The following CCDC178 variants were observed in gnomAD, a reference collection of about 807,000 sequenced individuals.
The protein encoded by CCDC178 is coiled-coil domain-containing protein 178.
CCDC178 carries 126 observed loss-of-function variants against 117.4 expected under a neutral mutation model. The ratio of observed to expected loss-of-function variants is 1.07; its 90% CI spans 0.93 to 1.24. CCDC178 has a LOEUF of 1.24. CCDC178 is among the 50% of genes most tolerant of loss of function. CCDC178 has a pLI of 0.00. For synonymous variants in CCDC178, 283 were observed against 313.4 expected, an observed-to-expected ratio of 0.90 and a Z score of 1.02; for missense variants, 1,030 against 986.9, an observed-to-expected ratio of 1.04 and a Z score of -0.59.
intron 18 of CCDC178, among the ~76,000 whole-genome samples, chr18:33,221,770 A>G (rs1488861645): frequency 5.3e-5 from 8 of 152,090 alleles, no homozygotes; most frequent in Admixed American, 3.9e-4. Flanking sequence ...ATGAAAGTCA[A>G]TCCTTTATTT....
At chr18:33,437,154 G>T (rs1181486538) in intron 2 of CCDC178, among the ~76,000 whole-genome samples, 1 of 152,098 alleles carries the variant, frequency 6.6e-6, no homozygotes, top group African/African-American at 2.4e-5. Context: ...GCCTCTCAAA[G>T]AATTTGTCGC....
At position 33,328,081 on chromosome 18, in the gene CCDC178, A is replaced by AGTTTTTTTTTT. The variant is rs778668133; in HGVS notation, c.880-4449_880-4448insAAAAAAAAAAC. ...TCCAAGGTCATAAAGATTTATCCCTAGATTTTTTTTTTTTTTTTTTTTTTT... is the reference window on the plus strand; with the variant it reads ...TCCAAGGTCATAAAGATTTATCCCTAGTTTTTTTTTTGATTTTTTTTTTTTTTTTTTTTTTT... On this transcript the variant is annotated intron_variant, in intron 10 of 22. Coordinates refer to ENST00000383096, the MANE Select transcript of CCDC178 (RefSeq NM_001105528.4). 1.3e-5 allele frequency: 3 copies of AGTTTTTTTTTT among 233,598 alleles called. No individual in the cohort carries two copies. The African/African-American group carries it at 1.8e-4, about 14-fold the overall frequency. 14.5% of individuals were successfully genotyped at this position (233,598 alleles called of 1,614,324 possible).
chr18:32,997,596 T>C (rs947655125), intron 21 of CCDC178, among the ~76,000 whole-genome samples: 1 of 152,076 alleles, frequency 6.6e-6, no homozygotes, highest in African/African-American at 2.4e-5. Flanking sequence ...ATAATATACA[T>C]AAAGTGTATG....
Position 33,211,984 on chromosome 18 carries a change from T to TAAAA in CCDC178, c.2149_2150insTTTT (p.Lys717IlefsTer6). On this transcript the variant is annotated frameshift_variant, in exon 20 of 23. Coordinates refer to ENST00000383096, the MANE Select transcript of CCDC178 (RefSeq NM_001105528.4). LOFTEE classifies it high-confidence loss of function. The stretch of plus-strand genomic sequence containing the variant: ...AAAGATTCTCTCTTCACAGTCTTTT[T>TAAAA]TCTCTTGCATATAATGATCAAACAC... 1 of 1,609,516 alleles carries TAAAA rather than the reference T, an allele frequency of 6.2e-7. No individual in the cohort carries two copies. The highest frequency in any genetic ancestry group is 8.5e-7 in the Non-Finnish European group (1 of 1,177,270).
chr18:33,180,860 G>A (rs973829739), intron 20 of CCDC178, among the ~76,000 whole-genome samples: 24 of 152,016 alleles, frequency 1.6e-4, no homozygotes, highest in African/African-American at 4.8e-4. Flanking sequence ...CTTGGCCTAT[G>A]CCACTTGTCT....
At chr18:33,304,168 T>C (rs974092660) in intron 11 of CCDC178, among the ~76,000 whole-genome samples, 1 of 152,200 alleles carries the variant, frequency 6.6e-6, no homozygotes, top group Non-Finnish European at 1.5e-5. Flanking sequence ...CTAAATTCAT[T>C]ACTATTTACT....
At chr18:33,119,370 C>G (rs191665959) in intron 20 of CCDC178, among the ~76,000 whole-genome samples, 2 of 152,076 alleles carry the variant, frequency 1.3e-5, no homozygotes, top group African/African-American at 4.8e-5. Context: ...AAAAAGTGGG[C>G]GAAGGATATG....
intron 11 of CCDC178, among the ~76,000 whole-genome samples, chr18:33,310,325 T>C (rs988769657): frequency 3.9e-4 from 60 of 152,088 alleles, no homozygotes; most frequent in African/African-American, 1.3e-3. Flanking sequence ...ATGGCCTGTG[T>C]ATGTCATGAT....
intron 3 of CCDC178, among the ~76,000 whole-genome samples, chr18:33,409,058 C>A (rs2063817721): frequency 6.6e-6 from 1 of 152,120 alleles, no homozygotes; most frequent in African/African-American, 2.4e-5. Flanking sequence ...TTTATGTCAA[C>A]TGAGAACACA....
intron 11 of CCDC178, among the ~76,000 whole-genome samples, chr18:33,322,765 G>C (rs1357829356): frequency 6.6e-6 from 1 of 151,410 alleles, no homozygotes. Flanking sequence ...CATTGGATGT[G>C]AGGAAATATA....
At chr18:33,290,326 C>T (rs570829562) in intron 12 of CCDC178, among the ~76,000 whole-genome samples, 5 of 152,190 alleles carry the variant, frequency 3.3e-5, no homozygotes, top group African/African-American at 1.2e-4. Context: ...GATCACATTA[C>T]AAATCAATTT....
At chr18:33,430,117 A>G (rs1019063914) in intron 2 of CCDC178, among the ~76,000 whole-genome samples, 1 of 152,198 alleles carries the variant, frequency 6.6e-6, no homozygotes, top group African/African-American at 2.4e-5. Context: ...CAAAAAAAAT[A>G]CTTTTGTTGT....
At chr18:33,139,106 A>G (rs1279203930) in intron 20 of CCDC178, among the ~76,000 whole-genome samples, 1 of 152,162 alleles carries the variant, frequency 6.6e-6, no homozygotes, top group Non-Finnish European at 1.5e-5. Flanking sequence ...GATGATTTTA[A>G]AAACGGGAGA....
chr18:33,237,231 C>T (rs917423951), intron 15 of CCDC178, among the ~76,000 whole-genome samples: 7 of 152,118 alleles, frequency 4.6e-5, no homozygotes, highest in African/African-American at 1.7e-4. Flanking sequence ...GAGCCTGGGT[C>T]AAGGATTGGC....
chr18:33,179,696 T>C (rs1292314632), intron 20 of CCDC178, among the ~76,000 whole-genome samples: 1 of 152,024 alleles, frequency 6.6e-6, no homozygotes, highest in East Asian at 1.9e-4. Context: ...TTTATGCAAA[T>C]AACTGCATCT....
At chr18:33,100,476 T>C (rs28478163) in intron 20 of CCDC178, among the ~76,000 whole-genome samples, 3,257 of 152,066 alleles carry the variant, frequency 0.021, 119 homozygotes, top group African/African-American at 0.074. Flanking sequence ...CAAAGCTAAC[T>C]ACATCAGGAT....
Position 33,400,723 on chromosome 18 carries a change from A to G in CCDC178, c.59-3515T>C, listed in dbSNP as rs79703878. On this transcript the variant is annotated intron_variant, in intron 3 of 22. Transcript: ENST00000383096. ...AGACCACTAAAACTTTCTTCGTATC[A>G]GCAATAAGGGTGTTTTGATTTATCA... Among the ~76,000 whole-genome samples the G allele has an allele frequency of 2.8e-3, 419 of 152,296 alleles. 1 individual carries two copies. Among genetic ancestry groups the G allele is most frequent in the African/African-American group, 9.4e-3 (390 of 41,580 alleles).
intron 20 of CCDC178, among the ~76,000 whole-genome samples, chr18:33,211,010 A>T (rs185579983): frequency 6.6e-6 from 1 of 152,014 alleles, no homozygotes; most frequent in South Asian, 2.1e-4. Context: ...TTTAAAAAAA[A>T]GTTCTCACAC....
chr18:33,033,108 T>C (rs1291794000), intron 21 of CCDC178, among the ~76,000 whole-genome samples: 1 of 152,120 alleles, frequency 6.6e-6, no homozygotes, highest in Non-Finnish European at 1.5e-5. Context: ...TGGTCTGTTG[T>C]ATTTTCTCTC....
Sources: allele counts gnomAD v4.1 joint callset (sites outside exome capture counted in the v4.1 genomes callset), GRCh38; gene constraint gnomAD v4.1.1; transcripts MANE v1.5; gene names NCBI Gene and HGNC (gene_info 2026-07-23, HGNC 2026-07-21).